Variants in SDK1 observed in about 807,000 individuals in gnomAD.
The protein encoded by SDK1 is sidekick cell adhesion molecule 1, also known as protein sidekick-1.
A neutral mutation model predicts 245.5 loss-of-function variants in SDK1; 157 were observed. That is an observed-to-expected ratio of 0.64 (90% CI 0.56 to 0.73). The LOEUF (loss-of-function observed/expected upper bound fraction) is 0.73. Ranked by LOEUF, SDK1 falls within the 30% of genes least tolerant of loss-of-function variation. The pLI is 0.00. For missense variants in SDK1, 3,583 were observed against 3,002.3 expected (o/e 1.19, Z -4.52); for synonymous variants, 1,647 against 1,278.5 (o/e 1.29, Z -6.15).
chr7:3,613,684 A>G (rs1475669947), intron 1 of SDK1, among the ~76,000 whole-genome samples: 5 of 152,214 alleles, frequency 3.3e-5, no homozygotes, highest in African/African-American at 1.2e-4. Context: ...TAGAGACACA[A>G]AGACACATAT....
chr7:4,180,247 AGT>A (rs1782515855), intron 35 of SDK1, among the ~76,000 whole-genome samples: 1 of 141,436 alleles, frequency 7.1e-6, no homozygotes, highest in Non-Finnish European at 1.5e-5. Flanking sequence ...CTCTATGCCC[AGT>A]GCCCGGCTCC....
intron 17 of SDK1, among the ~76,000 whole-genome samples, chr7:4,028,998 A>AG (rs1787575953): frequency 6.6e-6 from 1 of 151,516 alleles, no homozygotes; most frequent in African/African-American, 2.4e-5. Context: ...AGCCATCACC[A>AG]GGGGTCACGT....
intron 4 of SDK1, among the ~76,000 whole-genome samples, chr7:3,747,837 G>C (rs1220812515): frequency 6.6e-6 from 1 of 152,088 alleles, no homozygotes; most frequent in Non-Finnish European, 1.5e-5. Flanking sequence ...ACCCTGTACA[G>C]GGAGGCTGGA....
In SDK1 at chr7:3,531,302, C is replaced by G. The variant is rs139117691; in HGVS notation, c.299-87778C>G. Among the ~76,000 whole-genome samples the G allele has an allele frequency of 4.1e-3, 618 of 152,168 alleles. 7 individuals carry two copies. Among genetic ancestry groups the G allele is most frequent in the African/African-American group, 0.014 (579 of 41,518 alleles). ...ATGCTTAACATAAGTCCTTTATTTA[C>G]CCTTGGTTTTGTATTGAAATGTTCA... is the stretch of plus-strand genomic sequence containing the variant. On this transcript the variant is annotated intron_variant, in intron 1 of 44. Coordinates refer to ENST00000404826, the MANE Select transcript of SDK1 (RefSeq NM_152744.4).
At chr7:3,406,390 T>G (rs1779056468) in intron 1 of SDK1, among the ~76,000 whole-genome samples, 2 of 152,126 alleles carry the variant, frequency 1.3e-5, no homozygotes, top group African/African-American at 4.8e-5. Flanking sequence ...TTCTGTGGAG[T>G]TACTCGTTGT....
intron 1 of SDK1, among the ~76,000 whole-genome samples, chr7:3,494,438 T>C (rs1583947121): frequency 6.6e-6 from 1 of 152,224 alleles, no homozygotes; most frequent in East Asian, 1.9e-4. Context: ...CTTGTAAGGG[T>C]ATCAACATTA....
intron 7 of SDK1, chr7:3,958,311 G>A (rs888957139): frequency 1.1e-5 from 3 of 275,790 alleles, no homozygotes; most frequent in African/African-American, 7.0e-5. Flanking sequence ...GAAATTCATT[G>A]TTTAATACAA....
intron 4 of SDK1, among the ~76,000 whole-genome samples, chr7:3,703,286 A>G (rs1311529101): frequency 6.6e-6 from 1 of 152,196 alleles, no homozygotes; most frequent in African/African-American, 2.4e-5. Context: ...TCTGCATCAT[A>G]AAGGAGTGAG....
At chr7:3,913,576 A>G (rs1203096846) in intron 5 of SDK1, among the ~76,000 whole-genome samples, 1 of 152,008 alleles carries the variant, frequency 6.6e-6, no homozygotes, top group Non-Finnish European at 1.5e-5. Flanking sequence ...TACAGGCGTG[A>G]GCCACCGTGC....
Position 3,482,110 on chromosome 7 carries a change from G to C in SDK1, c.299-136970G>C, listed in dbSNP as rs58635351. On this transcript the variant is annotated intron_variant, in intron 1 of 44. Coordinates refer to ENST00000404826, the MANE Select transcript of SDK1 (RefSeq NM_152744.4). ...GACATATCCTACCAGACATTGTAAA[G>C]CTATAGGAATAAAATAGGGTAATAC... 1.1e-4 allele frequency among the ~76,000 whole-genome samples: 16 copies of C among 152,268 alleles called. No homozygotes were observed. The East Asian group carries it at 3.1e-3, about 29-fold the overall frequency.
chr7:4,255,366 A>G (rs1787559244), intron 44 of SDK1, among the ~76,000 whole-genome samples: 5 of 152,344 alleles, frequency 3.3e-5, no homozygotes, highest in African/African-American at 2.4e-5. Context: ...GTGTCACTGC[A>G]TCAAAGTGGA....
chr7:3,499,000 C>A (rs764141119), intron 1 of SDK1, among the ~76,000 whole-genome samples: 21 of 152,136 alleles, frequency 1.4e-4, no homozygotes, highest in Non-Finnish European at 1.5e-5. Context: ...TTGCAGAAAT[C>A]TAAAGTTTAA....
chr7:3,440,127 A>G (rs1780152228), intron 1 of SDK1, among the ~76,000 whole-genome samples: 1 of 152,166 alleles, frequency 6.6e-6, no homozygotes, highest in African/African-American at 2.4e-5. Flanking sequence ...ATAATTCATC[A>G]GTTTTAAATT....
rs551337558 is a variant in SDK1 at position 3,436,058 on chromosome 7, G to C, written c.298+134174G>C. Among the ~76,000 whole-genome samples, 7 of 152,264 alleles carry C rather than the reference G, an allele frequency of 4.6e-5. No homozygotes were observed. The South Asian group carries it at 1.4e-3, about 32-fold the overall frequency. ...TTTGCATGATAAGTTATTTTAAAGA[G>C]TTTAAATCCATGATTGTTCAAAATA... On this transcript the variant is annotated intron_variant, in intron 1 of 44. Transcript: ENST00000404826.
chr7:3,781,371 C>G (rs75555904), intron 4 of SDK1, among the ~76,000 whole-genome samples: 1 of 152,118 alleles, frequency 6.6e-6, no homozygotes, highest in Non-Finnish European at 1.5e-5. Flanking sequence ...GAAGCTCTGC[C>G]TGCCCAGGAT....
At position 3,343,833 on chromosome 7, in the gene SDK1, G is replaced by T. The variant is rs536592994; in HGVS notation, c.298+41949G>T. Among the ~76,000 whole-genome samples the T allele has an allele frequency of 7.2e-5, 11 of 152,166 alleles. No individual in the cohort carries two copies. The South Asian group carries it at 1.5e-3, about 20-fold the overall frequency. ...TGTTAAAGGGGAAGATGAAAGTGAA[G>T]AGATGGGCAAAAAGATACCATACAA... On this transcript the variant is annotated intron_variant, in intron 1 of 44. Transcript: ENST00000404826.
intron 1 of SDK1, among the ~76,000 whole-genome samples, chr7:3,566,775 C>T (rs1401217262): frequency 2.7e-5 from 4 of 148,692 alleles, no homozygotes; most frequent in Non-Finnish European, 5.9e-5. Context: ...GAGATATGAC[C>T]ACACACTTCA....
intron 2 of SDK1, among the ~76,000 whole-genome samples, chr7:3,629,844 G>A (rs141113813): frequency 4.1e-4 from 63 of 152,286 alleles, no homozygotes; most frequent in Non-Finnish European, 6.8e-4. Context: ...TCAGTTGATT[G>A]AAACCAAGCC....
At chr7:3,599,060 G>A (rs1345958540) in intron 1 of SDK1, among the ~76,000 whole-genome samples, 2 of 144,758 alleles carry the variant, frequency 1.4e-5, no homozygotes, top group Non-Finnish European at 3.0e-5. Context: ...AGTACTCTGT[G>A]TAGCCACCAG....
Sources: allele counts gnomAD v4.1 joint callset (sites outside exome capture counted in the v4.1 genomes callset), GRCh38; gene constraint gnomAD v4.1.1; transcripts MANE v1.5; gene names NCBI Gene and HGNC (gene_info 2026-07-23, HGNC 2026-07-21).